The following DOK6 variants were observed in gnomAD, a reference collection of about 807,000 sequenced individuals.
DOK6 encodes the protein docking protein 6.
DOK6 carries 22 observed loss-of-function variants against 44.0 expected under a neutral mutation model. The ratio of observed to expected loss-of-function variants is 0.50; its 90% CI spans 0.36 to 0.71. DOK6 has a LOEUF of 0.71. DOK6 is among the 30% of genes least tolerant of loss of function. DOK6 has a pLI of 0.00. For missense variants in DOK6, 340 were observed against 416.4 expected, an observed-to-expected ratio of 0.82 and a Z score of 1.60; for synonymous variants, 166 against 145.5, an observed-to-expected ratio of 1.14 and a Z score of -1.01.
At chr18:69,718,124 G>A (rs1986925024) in intron 5 of DOK6, among the ~76,000 whole-genome samples, 1 of 152,114 alleles carries the variant, frequency 6.6e-6, no homozygotes, top group South Asian at 2.1e-4. Flanking sequence ...GAGAATCTGT[G>A]GAATCCACAT....
chr18:69,710,527 G>T (rs996608360), intron 5 of DOK6, among the ~76,000 whole-genome samples: 2 of 152,160 alleles, frequency 1.3e-5, no homozygotes, highest in African/African-American at 4.8e-5. Flanking sequence ...GGAGGTCAAA[G>T]AACTTAATTT....
At chr18:69,527,231 T>G (rs1568285869) in intron 1 of DOK6, among the ~76,000 whole-genome samples, 1 of 152,206 alleles carries the variant, frequency 6.6e-6, no homozygotes, top group Non-Finnish European at 1.5e-5. Context: ...TTTGTTTCAT[T>G]TATTTGTAAT....
chr18:69,590,646 A>G (rs1285669856), intron 2 of DOK6, among the ~76,000 whole-genome samples: 1 of 152,192 alleles, frequency 6.6e-6, no homozygotes, highest in Non-Finnish European at 1.5e-5. Flanking sequence ...GATGTTATCA[A>G]ATAGGCTTAG....
At chr18:69,643,634 AC>A (rs1299404560) in intron 3 of DOK6, 7 of 152,188 alleles carry the variant, frequency 4.6e-5, no homozygotes, top group African/African-American at 1.7e-4. Context: ...TGGTTACATC[AC>A]AATGTATTTA....
At chr18:69,454,851 T>C (rs1284415926) in intron 1 of DOK6, among the ~76,000 whole-genome samples, 3 of 141,572 alleles carry the variant, frequency 2.1e-5, no homozygotes, top group Admixed American at 7.4e-5. Flanking sequence ...TAGGTGGGAA[T>C]TGAACAATGA....
At chr18:69,697,178 G>A (rs1336292144) in intron 4 of DOK6, among the ~76,000 whole-genome samples, 1 of 152,100 alleles carries the variant, frequency 6.6e-6, no homozygotes, top group Non-Finnish European at 1.5e-5. Context: ...ATATCTGCCA[G>A]AGAGAAGAAT....
intron 3 of DOK6, among the ~76,000 whole-genome samples, chr18:69,620,458 A>T (rs1984414263): frequency 6.6e-6 from 1 of 152,184 alleles, no homozygotes; most frequent in Non-Finnish European, 1.5e-5. Flanking sequence ...TTAAGCATTT[A>T]GTATGATGAA....
intron 1 of DOK6, among the ~76,000 whole-genome samples, chr18:69,414,752 G>T (rs1978321427): frequency 6.6e-6 from 1 of 151,974 alleles, no homozygotes; most frequent in South Asian, 2.1e-4. Context: ...GAGCATGCAG[G>T]GTTGTTCTGT....
At chr18:69,571,328 AAAC>A (rs1418054253) in intron 2 of DOK6, among the ~76,000 whole-genome samples, 25 of 152,070 alleles carry the variant, frequency 1.6e-4, no homozygotes, top group African/African-American at 4.8e-4. Flanking sequence ...AAAAGAGGTA[AAAC>A]AACAACAACA....
intron 7 of DOK6, among the ~76,000 whole-genome samples, chr18:69,805,531 GTAGGTGGTGC>G (rs1448153325): frequency 6.6e-6 from 1 of 152,170 alleles, no homozygotes; most frequent in Non-Finnish European, 1.5e-5. Context: ...ACACTGCAAA[GTAGGTGGTGC>G]TATAATTTTG....
chr18:69,550,494 T>C (rs1451028904), intron 1 of DOK6, among the ~76,000 whole-genome samples: 1 of 152,200 alleles, frequency 6.6e-6, no homozygotes, highest in Non-Finnish European at 1.5e-5. Flanking sequence ...ATTCCCTGGG[T>C]AAACAACAAC....
intron 1 of DOK6, among the ~76,000 whole-genome samples, chr18:69,523,255 A>C (rs1020236637): frequency 8.5e-5 from 13 of 152,104 alleles, no homozygotes; most frequent in Non-Finnish European, 1.3e-4. Context: ...GAAGCTGTAC[A>C]GACAGATACA....
intron 2 of DOK6, among the ~76,000 whole-genome samples, chr18:69,584,497 G>C (rs1308877983): frequency 6.6e-6 from 1 of 152,074 alleles, no homozygotes; most frequent in Non-Finnish European, 1.5e-5. Context: ...TCACCATGTT[G>C]GCCAGGCTGG....
chr18:69,811,704 G>A (rs551393865), intron 7 of DOK6, among the ~76,000 whole-genome samples: 1 of 151,872 alleles, frequency 6.6e-6, no homozygotes, highest in South Asian at 2.1e-4. Context: ...TAAATCCCAA[G>A]AATCTGTGTT....
chr18:69,727,157 C>T (rs1978313393), intron 5 of DOK6, among the ~76,000 whole-genome samples: 2 of 152,150 alleles, frequency 1.3e-5, no homozygotes, highest in South Asian at 4.1e-4. Context: ...CTGCACCAGG[C>T]CTAGGTCTCT....
chr18:69,652,925 A>G (rs147004779), intron 3 of DOK6, among the ~76,000 whole-genome samples: 2 of 152,356 alleles, frequency 1.3e-5, no homozygotes, highest in African/African-American at 2.4e-5. Flanking sequence ...CTGACAGTCT[A>G]TGTTATTTTC....
At chr18:69,630,516 C>T (rs1460320741) in intron 3 of DOK6, among the ~76,000 whole-genome samples, 1 of 152,126 alleles carries the variant, frequency 6.6e-6, no homozygotes, top group Non-Finnish European at 1.5e-5. Flanking sequence ...GAAATCAGAA[C>T]ACAAATAGAC....
intron 7 of DOK6, among the ~76,000 whole-genome samples, chr18:69,784,928 G>A (rs913120874): frequency 4.6e-5 from 7 of 152,080 alleles, no homozygotes; most frequent in African/African-American, 1.4e-4. Flanking sequence ...ACCCATGCTG[G>A]TGCTGAAAAT....
intron 3 of DOK6, among the ~76,000 whole-genome samples, chr18:69,624,473 G>GA (rs1031340230): frequency 6.6e-6 from 1 of 151,958 alleles, no homozygotes; most frequent in African/African-American, 2.4e-5. Context: ...TCAGGTAAAG[G>GA]AAAAAATAAT....
Sources: gnomAD v4.1 joint callset for allele counts (sites outside exome capture counted in the v4.1 genomes callset) on GRCh38, gnomAD v4.1.1 for gene constraint, MANE v1.5 for transcripts, NCBI Gene and HGNC (gene_info 2026-07-23, HGNC 2026-07-21) for gene names.